The following DPP10 variants were observed in gnomAD, a reference collection of about 807,000 sequenced individuals.
DPP10 encodes dipeptidyl peptidase like 10.
A neutral mutation model predicts 120.9 loss-of-function variants in DPP10; 33 were observed. That is an observed-to-expected ratio of 0.27 (90% CI 0.21 to 0.37). The LOEUF is 0.37. DPP10 is among the 10% of genes least tolerant of loss of function. The probability of loss-of-function intolerance (pLI) is 1.00; values close to 1 mark genes in which losing one functional copy is unlikely to be tolerated. For missense variants in DPP10, 816 were observed against 942.8 expected (o/e 0.87, Z 1.76); for synonymous variants, 337 against 326.1 (o/e 1.03, Z -0.36).
Position 114,706,569 on chromosome 2 carries a change from T to C in DPP10, c.60+263731T>C, listed in dbSNP as rs186979614. Among the ~76,000 whole-genome samples, 100 of 152,308 alleles carry C rather than the reference T, an allele frequency of 6.6e-4. 1 individual carries two copies. In the Middle Eastern group the frequency reaches 0.01, roughly 16 times the overall value. On this transcript the variant is annotated intron_variant, in intron 1 of 25. Coordinates refer to ENST00000410059, the MANE Select transcript of DPP10 (RefSeq NM_020868.6). ...GGCCTTTCCCTCTAGGTCTCTGTCT[T>C]CTTTTATATCTCTTATAAGAACATT...
intron 1 of DPP10, among the ~76,000 whole-genome samples, chr2:115,228,685 ATGT>A (rs2057572350): frequency 6.6e-6 from 1 of 152,094 alleles, no homozygotes; most frequent in Non-Finnish European, 1.5e-5. Context: ...TGTTCCATCC[ATGT>A]TGTTGCAAAT....
intron 1 of DPP10, among the ~76,000 whole-genome samples, chr2:114,837,613 G>C (rs1283193684): frequency 6.6e-6 from 1 of 152,106 alleles, no homozygotes; most frequent in East Asian, 1.9e-4. Flanking sequence ...CTTGAAAAAT[G>C]TGGAGAAACT....
intron 1 of DPP10, among the ~76,000 whole-genome samples, chr2:114,783,831 C>T (rs935212704): frequency 6.6e-6 from 1 of 151,902 alleles, no homozygotes; most frequent in Non-Finnish European, 1.5e-5. Context: ...AAGACGCTCT[C>T]TCTCTCTCCT....
At chr2:115,088,052 C>T (rs942031237) in intron 1 of DPP10, among the ~76,000 whole-genome samples, 1 of 152,106 alleles carries the variant, frequency 6.6e-6, no homozygotes, top group Non-Finnish European at 1.5e-5. Context: ...GGGGAGAGCC[C>T]TCTTCTTGGT....
chr2:115,844,953 G>C lies in DPP10; in HGVS notation c.*2608G>C, dbSNP rs534921415. The C allele has an allele frequency of 1.3e-5, 2 of 152,144 alleles. No homozygotes were observed. Among genetic ancestry groups the C allele is most frequent in the Non-Finnish European group, 2.9e-5 (2 of 68,030 alleles). The allele number at this position is 152,144 out of a possible 1,614,324, so 9.4% of individuals were successfully genotyped here. A position where few individuals can be genotyped will look rare whatever the true frequency, so the allele number is the denominator to read the frequency against. The stretch of plus-strand genomic sequence containing the variant: ...AGTTTCCTGACAGAACTAAAGGAAG[G>C]AATCACTCTTCAAAAGATGGATCTC... On this transcript the variant is annotated 3_prime_UTR_variant, in exon 26 of 26. Transcript: ENST00000410059.
chr2:114,637,861 A>G (rs935417158), intron 1 of DPP10, among the ~76,000 whole-genome samples: 1 of 151,798 alleles, frequency 6.6e-6, no homozygotes, highest in African/African-American at 2.4e-5. Flanking sequence ...TTTTTGTACC[A>G]GTGCCATGCT....
At chr2:114,674,926 T>TA (rs1432719615) in intron 1 of DPP10, among the ~76,000 whole-genome samples, 2 of 152,212 alleles carry the variant, frequency 1.3e-5, no homozygotes, top group African/African-American at 4.8e-5. Context: ...AGAAGCTTAC[T>TA]AAAAACATAT....
chr2:114,649,345 A>AT (rs10714745), intron 1 of DPP10, among the ~76,000 whole-genome samples: 1,625 of 149,042 alleles, frequency 0.011, 10 homozygotes, highest in African/African-American at 0.021. Context: ...GGATCCTGAG[A>AT]TTTTTTTTTT....
chr2:114,798,827 T>TA (rs1039095932), intron 1 of DPP10, among the ~76,000 whole-genome samples: 2 of 152,254 alleles, frequency 1.3e-5, no homozygotes, highest in East Asian at 3.9e-4. Flanking sequence ...TACAAAAAAA[T>TA]AAAAAAGTTT....
chr2:115,609,585 T>TC (rs566604514), intron 5 of DPP10, among the ~76,000 whole-genome samples: 35 of 151,770 alleles, frequency 2.3e-4, no homozygotes, highest in African/African-American at 7.5e-4. Context: ...ACCTCTCTTC[T>TC]CCCCCACCAA....
intron 7 of DPP10, among the ~76,000 whole-genome samples, chr2:115,691,261 T>C (rs2091300164): frequency 6.6e-6 from 1 of 152,156 alleles, no homozygotes; most frequent in Admixed American, 6.6e-5. Flanking sequence ...TGTAGTCTGA[T>C]TTATCAAATA....
chr2:115,437,730 G>T (rs1364025569), intron 3 of DPP10, among the ~76,000 whole-genome samples: 1 of 151,906 alleles, frequency 6.6e-6, no homozygotes, highest in Non-Finnish European at 1.5e-5. Flanking sequence ...TTAAGAATAT[G>T]ACTAAACATT....
At chr2:114,754,400 A>T (rs1679541231) in intron 1 of DPP10, among the ~76,000 whole-genome samples, 1 of 152,194 alleles carries the variant, frequency 6.6e-6, no homozygotes, top group Non-Finnish European at 1.5e-5. Context: ...CATAACTAGT[A>T]GCAATTTCTC....
chr2:115,279,647 TTC>T (rs2060067435), intron 1 of DPP10, among the ~76,000 whole-genome samples: 1 of 133,510 alleles, frequency 7.5e-6, no homozygotes, highest in Admixed American at 8.4e-5. Context: ...CTTTCTTTTT[TTC>T]TTCTTCTTTT....
intron 1 of DPP10, among the ~76,000 whole-genome samples, chr2:114,550,787 G>A (rs762410259): frequency 6.6e-6 from 1 of 152,170 alleles, no homozygotes; most frequent in East Asian, 1.9e-4. Flanking sequence ...CAACCTGTGT[G>A]TCTCTCAAGG....
At chr2:114,450,328 CAT>C (rs1327086698) in intron 1 of DPP10, among the ~76,000 whole-genome samples, 1 of 152,098 alleles carries the variant, frequency 6.6e-6, no homozygotes, top group Non-Finnish European at 1.5e-5. Flanking sequence ...CCGATGTTCT[CAT>C]ATAGTCTTCT....
At chr2:114,972,142 G>A (rs931091078) in intron 1 of DPP10, among the ~76,000 whole-genome samples, 2 of 152,116 alleles carry the variant, frequency 1.3e-5, no homozygotes, top group African/African-American at 4.8e-5. Context: ...TTCACTTTTT[G>A]TTATTGTCCT....
At chr2:115,229,931 G>A (rs1263697354) in intron 1 of DPP10, among the ~76,000 whole-genome samples, 1 of 150,032 alleles carries the variant, frequency 6.7e-6, no homozygotes, top group Admixed American at 6.7e-5. Flanking sequence ...GTAAATTTTA[G>A]GATTGTATTT....
chr2:115,416,591 T>G (rs1237276915), intron 3 of DPP10, among the ~76,000 whole-genome samples: 3 of 152,146 alleles, frequency 2.0e-5, no homozygotes, highest in Non-Finnish European at 4.4e-5. Context: ...ACTACTAAAT[T>G]AAGCTTATAC....
Sources: allele counts gnomAD v4.1 joint callset (sites outside exome capture counted in the v4.1 genomes callset), GRCh38; gene constraint gnomAD v4.1.1; transcripts MANE v1.5; gene names NCBI Gene and HGNC (gene_info 2026-07-23, HGNC 2026-07-21).